The following TASP1 variants were observed in gnomAD, a reference collection of about 807,000 sequenced individuals.
TASP1 encodes the protein threonine aspartase 1.
TASP1 carries 16 observed loss-of-function variants against 56.6 expected under a neutral mutation model. The ratio of observed to expected loss-of-function variants is 0.28; its 90% CI spans 0.19 to 0.43. TASP1 has a LOEUF of 0.43. TASP1 is among the 20% of genes least tolerant of loss of function. TASP1 has a pLI of 1.00. For synonymous variants in TASP1, 179 were observed against 184.2 expected, an observed-to-expected ratio of 0.97 and a Z score of 0.23; for missense variants, 393 against 511.6, an observed-to-expected ratio of 0.77 and a Z score of 2.24.
intron 4 of TASP1, among the ~76,000 whole-genome samples, chr20:13,588,388 T>C (rs1308752021): frequency 6.6e-6 from 1 of 151,718 alleles, no homozygotes; most frequent in Non-Finnish European, 1.5e-5. Flanking sequence ...AGAAGTAAAA[T>C]TGTCTGTTTC....
chr20:13,176,170 C>T, the TASP1 span, among the ~76,000 whole-genome samples: 2 of 152,248 alleles, frequency 1.3e-5, no homozygotes, highest in South Asian at 2.1e-4. Flanking sequence ...TTTAACTGTA[C>T]ATAAGATCAG....
the TASP1 span, among the ~76,000 whole-genome samples, chr20:13,188,198 C>G: frequency 2.6e-5 from 4 of 152,048 alleles, no homozygotes; most frequent in African/African-American, 9.7e-5. Context: ...GAAGTCCTAG[C>G]CAGAGCATTA....
At chr20:13,208,640 T>C in the TASP1 span, among the ~76,000 whole-genome samples, 2 of 152,216 alleles carry the variant, frequency 1.3e-5, no homozygotes, top group Non-Finnish European at 2.9e-5. Flanking sequence ...AACATCTGAG[T>C]ATAGGCTCGC....
intron 10 of TASP1, among the ~76,000 whole-genome samples, chr20:13,525,539 C>T (rs986576254): frequency 6.6e-6 from 1 of 152,158 alleles, no homozygotes; most frequent in African/African-American, 2.4e-5. Flanking sequence ...CTTGGGAGAG[C>T]CCTATCCTAA....
the TASP1 span, among the ~76,000 whole-genome samples, chr20:13,136,829 T>C: frequency 1.3e-5 from 2 of 151,442 alleles, no homozygotes; most frequent in Admixed American, 1.3e-4. Flanking sequence ...AATATAGTAT[T>C]CAGGGATTAT....
intron 12 of TASP1, among the ~76,000 whole-genome samples, chr20:13,433,918 T>C (rs952901093): frequency 6.7e-6 from 1 of 148,486 alleles, no homozygotes; most frequent in Non-Finnish European, 1.5e-5. Flanking sequence ...AACACAGCAA[T>C]GAAAATGTAC....
the TASP1 span, among the ~76,000 whole-genome samples, chr20:13,377,948 T>C: frequency 1.3e-5 from 2 of 152,194 alleles, no homozygotes; most frequent in Non-Finnish European, 2.9e-5. Flanking sequence ...ATTGTGTCTA[T>C]TTGATTCTTC....
At chr20:13,247,816 C>T in the TASP1 span, among the ~76,000 whole-genome samples, 2 of 152,208 alleles carry the variant, frequency 1.3e-5, no homozygotes, top group South Asian at 2.1e-4. Flanking sequence ...GAAAGAATTA[C>T]GGTTTTCAAA....
chr20:13,435,255 A>C, intron 11 of TASP1, 101 bp from the exon 12 acceptor site: 1 of 859,238 alleles, frequency 1.2e-6, no homozygotes, highest in Non-Finnish European at 1.8e-6. Context: ...TGAATAAGAA[A>C]ATGCCCATTT....
At chr20:13,223,156 C>CA in the TASP1 span, among the ~76,000 whole-genome samples, 10,094 of 119,976 alleles carry the variant, frequency 0.084, 808 homozygotes, top group African/African-American at 0.23. Context: ...GACTCCGTCT[C>CA]AAAAAAAAAA....
At chr20:13,514,267 T>C (rs2044442441) in intron 10 of TASP1, among the ~76,000 whole-genome samples, 1 of 152,142 alleles carries the variant, frequency 6.6e-6, no homozygotes, top group African/African-American at 2.4e-5. Context: ...TTACAACATA[T>C]ATAATTTACT....
At chr20:13,354,124 G>T in the TASP1 span, among the ~76,000 whole-genome samples, 2 of 152,016 alleles carry the variant, frequency 1.3e-5, no homozygotes, top group Non-Finnish European at 2.9e-5. Flanking sequence ...TAGAAAGCTT[G>T]GAAAATAAAG....
the TASP1 span, among the ~76,000 whole-genome samples, chr20:13,228,937 A>G: frequency 6.6e-6 from 1 of 152,196 alleles, no homozygotes; most frequent in African/African-American, 2.4e-5. Context: ...CTGAACGCTC[A>G]TAGTAAATAT....
chr20:13,190,493 C>T, the TASP1 span, among the ~76,000 whole-genome samples: 1 of 152,060 alleles, frequency 6.6e-6, no homozygotes, highest in Non-Finnish European at 1.5e-5. Flanking sequence ...GGGACAGTCT[C>T]CTCAGTGAGT....
intron 10 of TASP1, among the ~76,000 whole-genome samples, chr20:13,496,477 T>C (rs1311084170): frequency 7.2e-6 from 1 of 137,978 alleles, no homozygotes; most frequent in Non-Finnish European, 1.6e-5. Context: ...AAAATCACAT[T>C]TCCTACTTAA....
chr20:13,221,878 C>G, the TASP1 span: 8 of 1,410,192 alleles, frequency 5.7e-6, no homozygotes, highest in African/African-American at 1.5e-5. Context: ...ACGGGCCCGA[C>G]GCGGCCGCGG....
At chr20:13,549,491 C>A (rs1025072579) in intron 8 of TASP1, among the ~76,000 whole-genome samples, 2 of 151,774 alleles carry the variant, frequency 1.3e-5, no homozygotes, top group African/African-American at 4.8e-5. Context: ...CTCATTTATT[C>A]TGCTGTCTTA....
At chr20:13,390,891 T>C (rs188816009) in intron 13 of TASP1, among the ~76,000 whole-genome samples, 3 of 152,336 alleles carry the variant, frequency 2.0e-5, no homozygotes, top group African/African-American at 7.2e-5. Flanking sequence ...AATTTATTCC[T>C]TAAAGAATTT....
At chr20:13,262,216 C>CT in the TASP1 span, among the ~76,000 whole-genome samples, 3 of 152,150 alleles carry the variant, frequency 2.0e-5, no homozygotes, top group Non-Finnish European at 4.4e-5. Flanking sequence ...TGGCTGAACT[C>CT]TAACAGGGCT....
Sources: allele counts gnomAD v4.1 joint callset (sites outside exome capture counted in the v4.1 genomes callset), GRCh38; gene constraint gnomAD v4.1.1; transcripts MANE v1.5; gene names NCBI Gene and HGNC (gene_info 2026-07-23, HGNC 2026-07-21).